ZUP1: variants seen among roughly 807,000 people sequenced by gnomAD.
ZUP1 encodes zinc finger-containing ubiquitin peptidase 1.
ZUP1 carries 55 observed loss-of-function variants against 68.1 expected under a neutral mutation model. The ratio of observed to expected loss-of-function variants is 0.81; its 90% CI spans 0.65 to 1.01. The LOEUF (loss-of-function observed/expected upper bound fraction) is 1.01. Among genes scored for constraint, ZUP1 ranks in the 50% least tolerant of loss-of-function variants. ZUP1 has a pLI of 0.00. For missense variants in ZUP1, 684 were observed against 674.9 expected (o/e 1.01, Z -0.15); for synonymous variants, 223 against 221.5 (o/e 1.01, Z -0.06).
intron 5 of ZUP1, among the ~76,000 whole-genome samples, chr6:116,656,038 A>T (rs1776651588): frequency 6.6e-6 from 1 of 151,814 alleles, no homozygotes. Flanking sequence ...GGTTTAAACT[A>T]TTTAAATTAA....
intron 4 of ZUP1, among the ~76,000 whole-genome samples, 172 bp from the exon 5 acceptor site, chr6:116,657,024 CAAA>C (rs779429729): frequency 1.1e-5 from 1 of 87,240 alleles, no homozygotes; most frequent in African/African-American, 3.8e-5. Context: ...CACACACACA[CAAA>C]AAAAAATTAT....
intron 7 of ZUP1, among the ~76,000 whole-genome samples, chr6:116,649,367 C>T (rs948914534): frequency 1.3e-5 from 2 of 151,768 alleles, no homozygotes; most frequent in Non-Finnish European, 2.9e-5. Context: ...TGACATAATA[C>T]TGAAGGAAAA....
chr6:116,644,837 GATA>G (rs947586556), intron 9 of ZUP1, among the ~76,000 whole-genome samples: 19 of 149,652 alleles, frequency 1.3e-4, no homozygotes, highest in East Asian at 3.9e-4. Context: ...CTTAAAGTAT[GATA>G]ATAATAATAA....
intron 2 of ZUP1, among the ~76,000 whole-genome samples, chr6:116,663,674 C>T (rs764039833): frequency 2.0e-5 from 3 of 152,264 alleles, no homozygotes; most frequent in South Asian, 2.1e-4. Flanking sequence ...GACGCAGTGG[C>T]TCCCACCTGC....
chr6:116,647,770 T>TA (rs1281249149), intron 7 of ZUP1, among the ~76,000 whole-genome samples, 160 bp from the exon 8 acceptor site: 4 of 152,200 alleles, frequency 2.6e-5, no homozygotes, highest in Non-Finnish European at 5.9e-5. Context: ...ATTACTTATC[T>TA]AAAAAACTCC....
chr6:116,666,044 C>A (rs1167902720), intron 2 of ZUP1, among the ~76,000 whole-genome samples: 1 of 152,104 alleles, frequency 6.6e-6, no homozygotes, highest in South Asian at 2.1e-4. Context: ...ATTTCAACAA[C>A]CCCTTCTCAA....
At chr6:116,656,251 GTA>G (rs1278442941) in intron 5 of ZUP1, among the ~76,000 whole-genome samples, 1 of 151,460 alleles carries the variant, frequency 6.6e-6, no homozygotes, top group East Asian at 1.9e-4. Flanking sequence ...AGCTAATTTT[GTA>G]ATTTTTTTTT....
At chr6:116,644,771 A>C (rs1776235642) in intron 9 of ZUP1, among the ~76,000 whole-genome samples, 1 of 152,086 alleles carries the variant, frequency 6.6e-6, no homozygotes, top group South Asian at 2.1e-4. Flanking sequence ...GCACACCATC[A>C]TGGCACATGT....
intron 2 of ZUP1, among the ~76,000 whole-genome samples, chr6:116,665,959 G>C (rs1776996431): frequency 6.6e-6 from 1 of 151,788 alleles, no homozygotes; most frequent in African/African-American, 2.4e-5. Context: ...ACCAACAATA[G>C]AGTCTCAAAA....
chr6:116,655,386 T>G (rs1326107188), intron 5 of ZUP1, among the ~76,000 whole-genome samples: 2 of 152,170 alleles, frequency 1.3e-5, no homozygotes. Flanking sequence ...TGTACATACA[T>G]GGTAAGAGTA....
chr6:116,643,674 T>C (rs546293792), intron 9 of ZUP1, among the ~76,000 whole-genome samples: 1 of 152,156 alleles, frequency 6.6e-6, no homozygotes, highest in African/African-American at 2.4e-5. Context: ...TTACACCTTA[T>C]ACAAAAATTA....
At chr6:116,643,705 T>C (rs1411388911) in intron 9 of ZUP1, among the ~76,000 whole-genome samples, 1 of 152,212 alleles carries the variant, frequency 6.6e-6, no homozygotes, top group Non-Finnish European at 1.5e-5. Flanking sequence ...GATTAAAGAC[T>C]TACATGTTAG....
rs375989192 is a variant in ZUP1 at position 116,645,820 on chromosome 6, A to G, written c.1583T>C (p.Ile528Thr). The change falls in exon 9 of 10, where the codon ATA becomes ACA. Residue 528 changes from isoleucine (I) to threonine (T), a missense_variant. Ile to Thr is a moderately conservative substitution (Grantham distance 89). Coordinates refer to ENST00000368576, the MANE Select transcript of ZUP1 (RefSeq NM_145062.3). ...AAGTTGCTTGAGACTGCTAGCCTCT[A>G]TGTCTTGCTTTAATAATTTCTGCAT... ...REMQKLLKQD[I>T]EASSLKQLRK... The G allele has an allele frequency of 1.9e-6, 3 of 1,613,740 alleles. No individual in the cohort carries two copies. Among genetic ancestry groups the G allele is most frequent in the African/African-American group, 2.7e-5 (2 of 74,888 alleles).
At chr6:116,636,641 TA>T (rs1309672577) in intron 9 of ZUP1, among the ~76,000 whole-genome samples, 4 of 152,120 alleles carry the variant, frequency 2.6e-5, no homozygotes, top group Admixed American at 2.6e-4. Flanking sequence ...TGGCCAAGAT[TA>T]AAAAAAATTT....
chr6:116,650,737 A>G (rs1237477658), intron 7 of ZUP1, among the ~76,000 whole-genome samples: 1 of 152,210 alleles, frequency 6.6e-6, no homozygotes, highest in East Asian at 1.9e-4. Flanking sequence ...TGGAACTAAG[A>G]TCTTAGACAA....
intron 9 of ZUP1, among the ~76,000 whole-genome samples, chr6:116,637,332 T>C (rs1469897067): frequency 6.6e-6 from 1 of 152,168 alleles, no homozygotes; most frequent in African/African-American, 2.4e-5. Flanking sequence ...GTGGATTAAA[T>C]TAGTTAACAT....
intron 9 of ZUP1, among the ~76,000 whole-genome samples, chr6:116,638,847 G>C (rs1051791197): frequency 6.6e-6 from 1 of 152,154 alleles, no homozygotes; most frequent in Non-Finnish European, 1.5e-5. Flanking sequence ...AGGACAGTGG[G>C]TGCAGCGCAC....
chr6:116,656,619 T>C, intron 5 of ZUP1, 65 bp downstream of exon 5: 2 of 1,288,124 alleles, frequency 1.6e-6, no homozygotes, highest in Non-Finnish European at 2.1e-6. Context: ...ATTAAAATGA[T>C]TCTGATTATT....
At chr6:116,646,228 G>T (rs1776306129) in intron 8 of ZUP1, 1 of 229,614 alleles carries the variant, frequency 4.4e-6, no homozygotes, top group East Asian at 9.5e-5. Context: ...TATCTCAAAT[G>T]AAAGAACAAA....
Sources: allele counts gnomAD v4.1 joint callset (sites outside exome capture counted in the v4.1 genomes callset), GRCh38; gene constraint gnomAD v4.1.1; transcripts MANE v1.5; gene names NCBI Gene and HGNC (gene_info 2026-07-23, HGNC 2026-07-21).